Variants in CSMD1 observed in about 807,000 individuals in gnomAD.
The protein encoded by CSMD1 is CUB and sushi domain-containing protein 1.
CSMD1 carries 213 observed loss-of-function variants against 417.5 expected under a neutral mutation model. The ratio of observed to expected loss-of-function variants is 0.51; its 90% CI spans 0.46 to 0.57. The LOEUF (loss-of-function observed/expected upper bound fraction) is 0.57. Ranked by LOEUF, CSMD1 falls within the 20% of genes least tolerant of loss-of-function variation. The probability of loss-of-function intolerance (pLI) is 0.00; values close to 1 mark genes in which losing one functional copy is unlikely to be tolerated. For synonymous variants in CSMD1, 2,862 were observed against 1,736.8 expected, an observed-to-expected ratio of 1.65 and a Z score of -16.11; for missense variants, 6,923 against 4,529.7, an observed-to-expected ratio of 1.53 and a Z score of -15.17.
intron 50 of CSMD1, among the ~76,000 whole-genome samples, chr8:3,032,923 C>T (rs1383647621): frequency 2.0e-5 from 3 of 151,972 alleles, no homozygotes; most frequent in Non-Finnish European, 4.4e-5. Flanking sequence ...ATTGACATTA[C>T]CAGTATATGA....
intron 3 of CSMD1, among the ~76,000 whole-genome samples, chr8:4,227,901 A>ACC (rs1213848233): frequency 6.7e-6 from 1 of 149,320 alleles, no homozygotes; most frequent in African/African-American, 2.5e-5. Flanking sequence ...TTGGAGACAC[A>ACC]CCCTCCACCC....
chr8:3,779,443 G>A (rs928763459), intron 5 of CSMD1, among the ~76,000 whole-genome samples: 1 of 152,068 alleles, frequency 6.6e-6, no homozygotes. Context: ...CGTTTAAGTT[G>A]TCATTTTAAA....
At chr8:3,757,507 TG>T (rs1797724705) in intron 5 of CSMD1, among the ~76,000 whole-genome samples, 1 of 152,208 alleles carries the variant, frequency 6.6e-6, no homozygotes, top group African/African-American at 2.4e-5. Context: ...TCTTAGCTGA[TG>T]GGCCAGATTT....
chr8:3,982,094 G>A (rs1353599046), intron 5 of CSMD1, among the ~76,000 whole-genome samples: 1 of 151,406 alleles, frequency 6.6e-6, no homozygotes, highest in Non-Finnish European at 1.5e-5. Context: ...GGAGGTGGAG[G>A]TTGCAGTGAG....
At chr8:3,592,233 A>C (rs1800882648) in intron 8 of CSMD1, among the ~76,000 whole-genome samples, 1 of 152,114 alleles carries the variant, frequency 6.6e-6, no homozygotes, top group South Asian at 2.1e-4. Context: ...ATAGATACAT[A>C]GATGGATAGA....
At chr8:3,912,217 G>T (rs1297394489) in intron 5 of CSMD1, among the ~76,000 whole-genome samples, 1 of 151,956 alleles carries the variant, frequency 6.6e-6, no homozygotes, top group African/African-American at 2.4e-5. Flanking sequence ...ACTCTGATTC[G>T]ACATACTTCT....
At chr8:4,457,857 C>T (rs1799580905) in intron 2 of CSMD1, among the ~76,000 whole-genome samples, 1 of 152,232 alleles carries the variant, frequency 6.6e-6, no homozygotes, top group East Asian at 1.9e-4. Flanking sequence ...CGAGGCTTGG[C>T]ACCTCCCCTG....
At chr8:3,655,657 GCGTT>G (rs1798064554) in intron 7 of CSMD1, among the ~76,000 whole-genome samples, 2 of 105,912 alleles carry the variant, frequency 1.9e-5, no homozygotes, top group Admixed American at 1.0e-4. Flanking sequence ...AATGGAGGTT[GCGTT>G]TTTTTTTTTT....
chr8:3,912,426 C>G (rs560211995), intron 5 of CSMD1, among the ~76,000 whole-genome samples: 12 of 152,256 alleles, frequency 7.9e-5, no homozygotes, highest in Non-Finnish European at 2.9e-5. Flanking sequence ...GGGACGATTT[C>G]TACTTAGAGT....
intron 5 of CSMD1, among the ~76,000 whole-genome samples, chr8:3,835,613 A>G (rs1472968328): frequency 6.6e-6 from 1 of 152,068 alleles, no homozygotes; most frequent in Admixed American, 6.6e-5. Flanking sequence ...CTAATGCTAA[A>G]TGACGAGTTA....
chr8:3,119,156 G>A (rs1281287189), intron 41 of CSMD1, among the ~76,000 whole-genome samples: 1 of 151,680 alleles, frequency 6.6e-6, no homozygotes, highest in Non-Finnish European at 1.5e-5. Flanking sequence ...CTCCAGCCCG[G>A]GCGACAGAGC....
chr8:4,086,052 A>G (rs1474396851), intron 3 of CSMD1, among the ~76,000 whole-genome samples: 1 of 152,220 alleles, frequency 6.6e-6, no homozygotes, highest in Admixed American at 6.5e-5. Flanking sequence ...AATAGATGCA[A>G]TCAAGTATCA....
chr8:4,396,365 G>T (rs1296582182), intron 3 of CSMD1, among the ~76,000 whole-genome samples: 1 of 151,852 alleles, frequency 6.6e-6, no homozygotes, highest in Admixed American at 6.6e-5. Context: ...TACTCAGGAA[G>T]CTGAGGCAGG....
chr8:3,596,001 G>C (rs143312073), intron 8 of CSMD1, among the ~76,000 whole-genome samples: 2 of 152,278 alleles, frequency 1.3e-5, no homozygotes, highest in Non-Finnish European at 2.9e-5. Context: ...CCTCCTTCCT[G>C]ACAATTTATC....
Position 4,444,723 on chromosome 8 carries a change from A to G in CSMD1, c.303-24658T>C, listed in dbSNP as rs1228460306. On this transcript the variant is annotated intron_variant, in intron 2 of 69. Transcript: ENST00000635120. ...CACTCTAAGCACAGGTGCATGAAGGAAAATAATGAGGTAAAATGATATGAA... is the reference window on the plus strand; with the variant it reads ...CACTCTAAGCACAGGTGCATGAAGGGAAATAATGAGGTAAAATGATATGAA... Among the ~76,000 whole-genome samples the G allele has an allele frequency of 2.0e-5, 3 of 152,184 alleles. No homozygotes were observed. In the East Asian group the frequency reaches 5.8e-4, roughly 29 times the overall value.
intron 5 of CSMD1, among the ~76,000 whole-genome samples, chr8:3,898,320 T>C (rs1807502683): frequency 6.6e-6 from 1 of 152,126 alleles, no homozygotes; most frequent in African/African-American, 2.4e-5. Flanking sequence ...ACAACTACTC[T>C]GATGTTATGT....
At chr8:3,592,736 C>T (rs548838405) in intron 8 of CSMD1, among the ~76,000 whole-genome samples, 384 of 152,030 alleles carry the variant, frequency 2.5e-3, no homozygotes, top group African/African-American at 7.9e-3. Context: ...GATTTTTCTT[C>T]CCCCTGTATT....
intron 3 of CSMD1, among the ~76,000 whole-genome samples, chr8:4,383,501 C>G (rs545289874): frequency 6.7e-4 from 102 of 152,192 alleles, no homozygotes; most frequent in African/African-American, 2.4e-3. Flanking sequence ...AATTTTATTC[C>G]AGGACACCAA....
chr8:2,969,878 T>A (rs946258096), intron 57 of CSMD1, among the ~76,000 whole-genome samples: 1 of 152,178 alleles, frequency 6.6e-6, no homozygotes, highest in African/African-American at 2.4e-5. Flanking sequence ...GTGTAACATA[T>A]ATTGCAGTGG....
Sources: allele counts gnomAD v4.1 joint callset (sites outside exome capture counted in the v4.1 genomes callset), GRCh38; gene constraint gnomAD v4.1.1; transcripts MANE v1.5; gene names NCBI Gene and HGNC (gene_info 2026-07-23, HGNC 2026-07-21).